The following CPLANE1 variants were observed in gnomAD, a reference collection of about 807,000 sequenced individuals.
CPLANE1 encodes ciliogenesis and planar polarity effector 1.
In CPLANE1, 263 loss-of-function variants were observed where a neutral mutation model predicts 362.5. The ratio of observed to expected loss-of-function variants is 0.73; its 90% CI spans 0.66 to 0.80. The LOEUF is 0.80. Among genes scored for constraint, CPLANE1 ranks in the 30% least tolerant of loss-of-function variants. The pLI, the probability that CPLANE1 is intolerant of heterozygous loss-of-function variation, is 0.00. For missense variants in CPLANE1, 3,461 were observed against 3,793.4 expected (o/e 0.91, Z 2.30); for synonymous variants, 1,212 against 1,302.6 (o/e 0.93, Z 1.50).
At chr5:37,245,348 T>TAC (rs1301484812) in intron 4 of CPLANE1, 131 bp downstream of exon 4, 1 of 90,930 alleles carries the variant, frequency 1.1e-5, no homozygotes, top group Non-Finnish European at 2.3e-5. Flanking sequence ...TATATATATA[T>TAC]ATACACACAC....
intron 21 of CPLANE1, among the ~76,000 whole-genome samples, chr5:37,188,284 T>C (rs963355322): frequency 6.6e-6 from 1 of 152,206 alleles, no homozygotes; most frequent in African/African-American, 2.4e-5. Flanking sequence ...CTATACACAA[T>C]GCACAGGCTC....
chr5:37,243,010 C>T lies in CPLANE1; in HGVS notation c.677+3G>A, dbSNP rs1318610219. 3.3e-6 allele frequency: 5 copies of T among 1,518,534 alleles called. No homozygotes were observed. The highest frequency in any genetic ancestry group is 2.2e-5 in the Admixed American group (1 of 45,836). The allele number at this position is 1,518,534 out of a possible 1,614,324, so 94.1% of individuals were successfully genotyped here. On this transcript the variant is annotated splice_donor_region_variant and intron_variant, in intron 6 of 52. Transcript: ENST00000651892. ...AAAAGGAAGAAGAAAACATTTACCTCACCTTACAGATGTAAATACATTCTC... is the reference window on the plus strand; with the variant it reads ...AAAAGGAAGAAGAAAACATTTACCTTACCTTACAGATGTAAATACATTCTC...
At chr5:37,167,246 A>C (rs1203933106) in intron 34 of CPLANE1, 33 bp from the exon 35 acceptor site, 1 of 1,535,772 alleles carries the variant, frequency 6.5e-7, no homozygotes, top group Non-Finnish European at 8.9e-7. Flanking sequence ...AAGAATGACA[A>C]ATTGCAAACT....
At position 37,213,751 on chromosome 5, in the gene CPLANE1, A is replaced by G. The variant is rs1293770311; in HGVS notation, c.2747-19T>C. 1 of 1,413,078 alleles carries G rather than the reference A, an allele frequency of 7.1e-7. No individual in the cohort carries two copies. Among genetic ancestry groups the G allele is most frequent in the African/African-American group, 1.5e-5 (1 of 68,946 alleles). 87.5% of individuals were successfully genotyped at this position (1,413,078 alleles called of 1,614,324 possible). A position where few individuals can be genotyped will look rare whatever the true frequency, so the allele number is the denominator to read the frequency against. On this transcript the variant is annotated intron_variant, in intron 15 of 52. Coordinates refer to ENST00000651892, the MANE Select transcript of CPLANE1 (RefSeq NM_001384732.1). ...GCAGCACCTAAGGAATACAGCAATG[A>G]CCTAAGAAGATTGTGATCAACTACC...
chr5:37,161,116 A>G (rs1232993767), intron 38 of CPLANE1, among the ~76,000 whole-genome samples: 2 of 152,236 alleles, frequency 1.3e-5, no homozygotes, highest in East Asian at 3.8e-4. Flanking sequence ...TCTAATGTAT[A>G]GCTGGAAGAA....
At chr5:37,242,351 C>T (rs1800749865) in intron 6 of CPLANE1, among the ~76,000 whole-genome samples, 1 of 148,728 alleles carries the variant, frequency 6.7e-6, no homozygotes, top group African/African-American at 2.5e-5. Context: ...AAGACTCCAT[C>T]TCAAAAAAAA....
chr5:37,172,421 G>T (rs1780056671), intron 32 of CPLANE1, among the ~76,000 whole-genome samples: 1 of 152,162 alleles, frequency 6.6e-6, no homozygotes, highest in Non-Finnish European at 1.5e-5. Context: ...GACTTTTGAA[G>T]ATAGTGATTC....
the CPLANE1 span, among the ~76,000 whole-genome samples, chr5:37,089,419 T>C: frequency 2.0e-5 from 3 of 152,150 alleles, no homozygotes; most frequent in African/African-American, 7.2e-5. Flanking sequence ...CCCCTACCCC[T>C]GATGTGGCTC....
At chr5:37,146,254 C>T (rs1445134706) in intron 43 of CPLANE1, among the ~76,000 whole-genome samples, 2 of 152,040 alleles carry the variant, frequency 1.3e-5, no homozygotes, top group East Asian at 3.9e-4. Context: ...TCTCGACTCA[C>T]TGCAAGCTCC....
the CPLANE1 span, among the ~76,000 whole-genome samples, chr5:37,078,885 T>C: frequency 6.6e-6 from 1 of 152,190 alleles, no homozygotes; most frequent in East Asian, 1.9e-4. Flanking sequence ...TCATGTCCTT[T>C]GCCCACTTTT....
the CPLANE1 span, among the ~76,000 whole-genome samples, chr5:37,088,741 C>G: frequency 4.6e-5 from 7 of 152,120 alleles, no homozygotes; most frequent in African/African-American, 1.7e-4. Context: ...TGGACTTACT[C>G]TGCCTCAACA....
chr5:37,081,632 G>A, the CPLANE1 span, among the ~76,000 whole-genome samples: 14 of 151,836 alleles, frequency 9.2e-5, no homozygotes, highest in African/African-American at 1.9e-4. Context: ...CTGAAAATGC[G>A]GTTTTAAGGA....
intron 8 of CPLANE1, among the ~76,000 whole-genome samples, chr5:37,238,563 T>C (rs1032109602): frequency 2.1e-5 from 3 of 142,398 alleles, no homozygotes; most frequent in Middle Eastern, 3.7e-3. Flanking sequence ...GGCAAGATCA[T>C]AGCTCACTGC....
intron 46 of CPLANE1, among the ~76,000 whole-genome samples, chr5:37,128,850 A>G (rs921540481): frequency 1.3e-5 from 2 of 150,840 alleles, no homozygotes; most frequent in Non-Finnish European, 2.9e-5. Context: ...CTCTGTCAAA[A>G]AAAACCAAAA....
At chr5:37,224,943 A>C (rs1417364517) in intron 12 of CPLANE1, among the ~76,000 whole-genome samples, 2 of 148,020 alleles carry the variant, frequency 1.4e-5, no homozygotes, top group South Asian at 4.2e-4. Context: ...AAGCACCTGT[A>C]ATCTTTTTTT....
chr5:37,219,821 T>C (rs557879786), intron 15 of CPLANE1, among the ~76,000 whole-genome samples: 1 of 152,290 alleles, frequency 6.6e-6, no homozygotes, highest in African/African-American at 2.4e-5. Flanking sequence ...TACATATACA[T>C]GTGTCAAAAG....
intron 43 of CPLANE1, among the ~76,000 whole-genome samples, chr5:37,142,822 A>C (rs917889253): frequency 6.6e-6 from 1 of 152,222 alleles, no homozygotes; most frequent in Non-Finnish European, 1.5e-5. Flanking sequence ...AGGAACTCAT[A>C]GCTGGAGCAG....
chr5:37,193,697 T>C (rs181738727), intron 21 of CPLANE1, among the ~76,000 whole-genome samples: 5 of 152,076 alleles, frequency 3.3e-5, no homozygotes, highest in Admixed American at 3.3e-4. Flanking sequence ...AAATCTACTA[T>C]TTTAGGTAAC....
chr5:37,082,511 G>C, the CPLANE1 span, among the ~76,000 whole-genome samples: 2 of 152,112 alleles, frequency 1.3e-5, no homozygotes, highest in African/African-American at 2.4e-5. Flanking sequence ...ACAAAACAGA[G>C]AGCCCAGATG....
Sources: allele counts gnomAD v4.1 joint callset (sites outside exome capture counted in the v4.1 genomes callset), GRCh38; gene constraint gnomAD v4.1.1; transcripts MANE v1.5; gene names NCBI Gene and HGNC (gene_info 2026-07-23, HGNC 2026-07-21).